Variants in NCKAP5 observed in about 807,000 individuals in gnomAD.
NCKAP5 encodes NCK associated protein 5.
A neutral mutation model predicts 167.0 loss-of-function variants in NCKAP5; 92 were observed. The ratio of observed to expected loss-of-function variants is 0.55; its 90% CI spans 0.47 to 0.66. The LOEUF (loss-of-function observed/expected upper bound fraction) is 0.66. Among genes scored for constraint, NCKAP5 ranks in the 30% least tolerant of loss-of-function variants. NCKAP5 has a pLI of 0.00. For missense variants in NCKAP5, 2,378 were observed against 2,315.0 expected, an observed-to-expected ratio of 1.03 and a Z score of -0.56; for synonymous variants, 891 against 877.4, an observed-to-expected ratio of 1.02 and a Z score of -0.27.
chr2:132,985,597 C>G (rs979187969), intron 7 of NCKAP5, among the ~76,000 whole-genome samples: 1 of 152,158 alleles, frequency 6.6e-6, no homozygotes, highest in Non-Finnish European at 1.5e-5. Context: ...AATCTAAGCA[C>G]ACACTTTGGT....
intron 6 of NCKAP5, among the ~76,000 whole-genome samples, chr2:133,031,275 T>C (rs1244716118): frequency 6.6e-6 from 1 of 151,214 alleles, no homozygotes; most frequent in Non-Finnish European, 1.5e-5. Context: ...ATGGTGCCAA[T>C]AGCATCTCTT....
intron 19 of NCKAP5, among the ~76,000 whole-genome samples, chr2:132,711,642 A>T (rs1029588446): frequency 6.6e-6 from 1 of 152,194 alleles, no homozygotes; most frequent in Non-Finnish European, 1.5e-5. Context: ...TCTGAGTATG[A>T]GTATAGTCTT....
intron 7 of NCKAP5, among the ~76,000 whole-genome samples, chr2:132,967,483 CT>C (rs1468301491): frequency 6.6e-6 from 1 of 152,000 alleles, no homozygotes; most frequent in Admixed American, 6.6e-5. Context: ...TAAAAGGCTC[CT>C]AGTCAAGAGT....
At chr2:133,175,557 C>T (rs1405094935) in intron 5 of NCKAP5, among the ~76,000 whole-genome samples, 1 of 152,134 alleles carries the variant, frequency 6.6e-6, no homozygotes, top group Non-Finnish European at 1.5e-5. Flanking sequence ...GATTTCAAAG[C>T]TGTCAGGGTT....
intron 3 of NCKAP5, among the ~76,000 whole-genome samples, chr2:133,450,054 T>G (rs1488832344): frequency 2.0e-5 from 3 of 152,106 alleles, no homozygotes; most frequent in Non-Finnish European, 4.4e-5. Flanking sequence ...CCAGAAACAT[T>G]TATTGATTTG....
At chr2:133,374,347 G>T (rs909633456) in intron 3 of NCKAP5, among the ~76,000 whole-genome samples, 1 of 152,306 alleles carries the variant, frequency 6.6e-6, no homozygotes, top group Admixed American at 6.5e-5. Flanking sequence ...GGGGATAAGG[G>T]GAAGGGACTG....
At chr2:132,851,026 C>T (rs546194789) in intron 11 of NCKAP5, among the ~76,000 whole-genome samples, 35 of 152,068 alleles carry the variant, frequency 2.3e-4, no homozygotes, top group Admixed American at 1.6e-3. Flanking sequence ...CATTTTTTTT[C>T]AAGCATTTTT....
At chr2:132,818,182 A>G (rs1291357124) in intron 11 of NCKAP5, among the ~76,000 whole-genome samples, 1 of 152,190 alleles carries the variant, frequency 6.6e-6, no homozygotes, top group Non-Finnish European at 1.5e-5. Context: ...TACTGGGCTC[A>G]AGCTATCCAC....
intron 11 of NCKAP5, among the ~76,000 whole-genome samples, chr2:132,797,813 T>TA (rs2105177322): frequency 6.6e-6 from 1 of 152,304 alleles, no homozygotes; most frequent in African/African-American, 2.4e-5. Flanking sequence ...CAAACTCCAC[T>TA]AAAATGAGTC....
chr2:133,200,061 CTTT>C (rs70973417), intron 5 of NCKAP5, among the ~76,000 whole-genome samples: 4 of 109,392 alleles, frequency 3.7e-5, no homozygotes, highest in African/African-American at 6.9e-5. Flanking sequence ...TTTTTTCTTT[CTTT>C]TTTTTTTTTT....
intron 6 of NCKAP5, among the ~76,000 whole-genome samples, chr2:133,006,659 CT>C (rs2077980441): frequency 6.6e-6 from 1 of 151,350 alleles, no homozygotes; most frequent in African/African-American, 2.4e-5. Flanking sequence ...GTCATTAAAG[CT>C]TGGAGAGGTC....
At position 132,966,005 on chromosome 2, in the gene NCKAP5, T is replaced by C. The variant is rs147730092; in HGVS notation, c.430-2136A>G. On this transcript the variant is annotated intron_variant, in intron 7 of 19. Transcript: ENST00000409261. ...AGCTAATTAAAACAAAGAAAAGCCA[T>C]TGGGGTGGTAAATGAAAAGCCAAAA... 1.4e-3 allele frequency among the ~76,000 whole-genome samples: 218 copies of C among 151,088 alleles called. 1 individual carries two copies. The highest frequency in any genetic ancestry group is 4.1e-3 in the African/African-American group (169 of 40,932).
chr2:133,643,454 G>T, the NCKAP5 span, among the ~76,000 whole-genome samples: 2 of 152,084 alleles, frequency 1.3e-5, no homozygotes, highest in Non-Finnish European at 2.9e-5. Context: ...CTCCAAGCCA[G>T]GATTCCAAGA....
chr2:133,324,317 G>A (rs909385955), intron 3 of NCKAP5, among the ~76,000 whole-genome samples: 3 of 152,200 alleles, frequency 2.0e-5, no homozygotes, highest in Non-Finnish European at 4.4e-5. Flanking sequence ...GGCTTATTTT[G>A]TGAAAGCAAA....
At chr2:133,025,083 C>T (rs6709471) in intron 6 of NCKAP5, among the ~76,000 whole-genome samples, 3 of 151,936 alleles carry the variant, frequency 2.0e-5, no homozygotes, top group South Asian at 2.1e-4. Flanking sequence ...CCTAGAGAAA[C>T]GGACAAAGAA....
intron 5 of NCKAP5, among the ~76,000 whole-genome samples, chr2:133,158,819 A>C (rs781105313): frequency 6.6e-6 from 1 of 151,974 alleles, no homozygotes; most frequent in Admixed American, 6.6e-5. Flanking sequence ...TAATCACTCA[A>C]CAACTAAAGT....
At chr2:133,454,883 T>A (rs1691750918) in intron 3 of NCKAP5, among the ~76,000 whole-genome samples, 1 of 152,240 alleles carries the variant, frequency 6.6e-6, no homozygotes, top group African/African-American at 2.4e-5. Context: ...ATAATTGGAA[T>A]GTTACCTATC....
chr2:133,455,387 A>T lies in NCKAP5; in HGVS notation c.69+62071T>A, dbSNP rs142701647. Among the ~76,000 whole-genome samples the T allele has an allele frequency of 2.6e-3, 388 of 152,104 alleles. 1 individual carries two copies. Among genetic ancestry groups the T allele is most frequent in the African/African-American group, 8.7e-3 (363 of 41,512 alleles). ...TAGCCAAGTGGCTTTAGTCATTTTC[A>T]TGGGACAGATTTTCCAATGTCTTTA... On this transcript the variant is annotated intron_variant, in intron 3 of 19. Transcript: ENST00000409261.
chr2:133,484,540 A>C (rs1258438243), intron 3 of NCKAP5, among the ~76,000 whole-genome samples: 1 of 152,204 alleles, frequency 6.6e-6, no homozygotes, highest in African/African-American at 2.4e-5. Flanking sequence ...TCCTAATACA[A>C]GTTAAACATC....
Sources: gnomAD v4.1 joint callset for allele counts (sites outside exome capture counted in the v4.1 genomes callset) on GRCh38, gnomAD v4.1.1 for gene constraint, MANE v1.5 for transcripts, NCBI Gene and HGNC (gene_info 2026-07-23, HGNC 2026-07-21) for gene names.